Variants in MYRIP observed in about 807,000 individuals in gnomAD.
The protein encoded by MYRIP is myosin VIIA and Rab interacting protein, also known as rab effector MyRIP.
Under a neutral mutation model 98.0 loss-of-function variants are expected in MYRIP, and 49 were observed. The observed-to-expected ratio is 0.50, with a 90% CI of 0.40 to 0.63. The LOEUF (loss-of-function observed/expected upper bound fraction) is 0.63, where lower values mean the gene tolerates loss of function less well. MYRIP is among the 30% of genes least tolerant of loss of function. The pLI is 0.00. For missense variants in MYRIP, 1,004 were observed against 1,058.2 expected, an observed-to-expected ratio of 0.95 and a Z score of 0.71; for synonymous variants, 404 against 409.5, an observed-to-expected ratio of 0.99 and a Z score of 0.16.
At chr3:40,017,715 G>A (rs200052166) in intron 2 of MYRIP, among the ~76,000 whole-genome samples, 3 of 48,736 alleles carry the variant, frequency 6.2e-5, no homozygotes, top group Non-Finnish European at 8.2e-5. Flanking sequence ...TTTTTTTTTT[G>A]TCTGAAGGTG....
intron 10 of MYRIP, among the ~76,000 whole-genome samples, chr3:40,208,363 A>C (rs1047668850): frequency 3.9e-5 from 6 of 152,250 alleles, no homozygotes; most frequent in African/African-American, 7.2e-5. Flanking sequence ...GAGGAAACTC[A>C]AAAAGTAAAA....
intron 3 of MYRIP, among the ~76,000 whole-genome samples, chr3:40,126,122 C>A (rs552093293): frequency 6.6e-6 from 1 of 152,310 alleles, no homozygotes. Flanking sequence ...GGGCTCTTAA[C>A]GACCTGCCCA....
chr3:39,884,100 G>A (rs779270385), intron 1 of MYRIP, among the ~76,000 whole-genome samples: 15 of 152,050 alleles, frequency 9.9e-5, no homozygotes, highest in Non-Finnish European at 1.9e-4. Flanking sequence ...AGAACAAAAG[G>A]CAGACAATGG....
At chr3:40,013,547 T>A (rs985960725) in intron 2 of MYRIP, among the ~76,000 whole-genome samples, 2 of 152,226 alleles carry the variant, frequency 1.3e-5, no homozygotes, top group East Asian at 3.8e-4. Flanking sequence ...ACCTCTGTTG[T>A]TTTCTGTGGC....
intron 2 of MYRIP, among the ~76,000 whole-genome samples, chr3:39,956,108 A>G (rs1483599422): frequency 6.6e-6 from 1 of 152,220 alleles, no homozygotes; most frequent in Non-Finnish European, 1.5e-5. Flanking sequence ...TGTCAACATT[A>G]GACAGATCAA....
intron 4 of MYRIP, among the ~76,000 whole-genome samples, chr3:40,161,439 T>A (rs758257558): frequency 6.6e-6 from 1 of 152,104 alleles, no homozygotes; most frequent in Non-Finnish European, 1.5e-5. Context: ...CAACCTCAAA[T>A]CTTCCTTCCT....
intron 2 of MYRIP, among the ~76,000 whole-genome samples, chr3:39,924,967 A>G (rs1944387261): frequency 6.6e-6 from 1 of 152,102 alleles, no homozygotes; most frequent in African/African-American, 2.4e-5. Flanking sequence ...AGTAGTACAT[A>G]GAAGAAAATT....
intron 3 of MYRIP, among the ~76,000 whole-genome samples, chr3:40,100,877 G>T (rs992726435): frequency 5.3e-5 from 8 of 152,156 alleles, no homozygotes; most frequent in African/African-American, 1.9e-4. Flanking sequence ...GGGTCCTGAA[G>T]CTAAAAACGA....
chr3:40,017,052 T>C (rs1263197666), intron 2 of MYRIP, among the ~76,000 whole-genome samples: 3 of 152,234 alleles, frequency 2.0e-5, no homozygotes, highest in Non-Finnish European at 4.4e-5. Flanking sequence ...ATTTCTGGAA[T>C]TTCTGACCTC....
At chr3:39,847,279 T>A (rs776569806) in intron 1 of MYRIP, among the ~76,000 whole-genome samples, 1 of 152,188 alleles carries the variant, frequency 6.6e-6, no homozygotes, top group Non-Finnish European at 1.5e-5. Context: ...TCTTGGATGA[T>A]GTTCACTCTT....
chr3:39,848,410 A>G (rs925339918), intron 1 of MYRIP, among the ~76,000 whole-genome samples: 5 of 152,210 alleles, frequency 3.3e-5, no homozygotes, highest in African/African-American at 1.2e-4. Context: ...TTAATAAGTT[A>G]CACTCATTTT....
chr3:39,889,166 A>T (rs568048192), intron 1 of MYRIP, among the ~76,000 whole-genome samples: 1 of 152,358 alleles, frequency 6.6e-6, no homozygotes, highest in East Asian at 1.9e-4. Context: ...TGACCCAGCC[A>T]TCCCATTACT....
At chr3:40,242,639 C>A (rs921051924) in intron 12 of MYRIP, among the ~76,000 whole-genome samples, 5 of 152,136 alleles carry the variant, frequency 3.3e-5, no homozygotes, top group Non-Finnish European at 7.4e-5. Flanking sequence ...TTAGTTATGT[C>A]AAGTTATGTT....
chr3:39,966,903 T>G (rs1402168283), intron 2 of MYRIP, among the ~76,000 whole-genome samples: 3 of 152,210 alleles, frequency 2.0e-5, no homozygotes, highest in Non-Finnish European at 4.4e-5. Flanking sequence ...ATTAGCCACC[T>G]GAGGGCACAA....
At chr3:40,167,560 C>T (rs946975239) in intron 7 of MYRIP, among the ~76,000 whole-genome samples, 1 of 152,198 alleles carries the variant, frequency 6.6e-6, no homozygotes, top group Non-Finnish European at 1.5e-5. Context: ...GCCAATTCTC[C>T]AACACCAACT....
chr3:39,854,026 G>T (rs1942215303), intron 1 of MYRIP, among the ~76,000 whole-genome samples: 1 of 151,938 alleles, frequency 6.6e-6, no homozygotes, highest in Admixed American at 6.6e-5. Flanking sequence ...TCCTCACTTT[G>T]TTTTTGTTTG....
At chr3:40,100,885 C>T (rs375950365) in intron 3 of MYRIP, among the ~76,000 whole-genome samples, 1 of 152,160 alleles carries the variant, frequency 6.6e-6, no homozygotes. Context: ...AAGCTAAAAA[C>T]GAAGTCCTTG....
At chr3:40,024,116 G>A (rs1226170192) in intron 2 of MYRIP, among the ~76,000 whole-genome samples, 8 of 152,266 alleles carry the variant, frequency 5.3e-5, no homozygotes, top group South Asian at 2.1e-4. Flanking sequence ...GGAAAAGGAA[G>A]CTTCCTCTAC....
At chr3:40,007,748 G>A (rs766285198) in intron 2 of MYRIP, among the ~76,000 whole-genome samples, 4 of 152,172 alleles carry the variant, frequency 2.6e-5, no homozygotes, top group African/African-American at 4.8e-5. Flanking sequence ...AAAATCTGCC[G>A]AATGGTCACA....
Sources: allele counts gnomAD v4.1 joint callset (sites outside exome capture counted in the v4.1 genomes callset), GRCh38; gene constraint gnomAD v4.1.1; transcripts MANE v1.5; gene names NCBI Gene and HGNC (gene_info 2026-07-23, HGNC 2026-07-21).